GRIK4: variants seen among roughly 807,000 people sequenced by gnomAD.
GRIK4 encodes the protein glutamate ionotropic receptor kainate type subunit 4, also known as glutamate receptor ionotropic, kainate 4.
GRIK4 carries 40 observed loss-of-function variants against 104.9 expected under a neutral mutation model. That is an observed-to-expected ratio of 0.38 (90% CI 0.30 to 0.50). GRIK4 has a LOEUF of 0.50. Ranked by LOEUF, GRIK4 falls within the 20% of genes least tolerant of loss-of-function variation. The pLI is 0.93. For synonymous variants in GRIK4, 485 were observed against 524.9 expected, an observed-to-expected ratio of 0.92 and a Z score of 1.04; for missense variants, 1,047 against 1,308.1, an observed-to-expected ratio of 0.80 and a Z score of 3.08.
At chr11:120,683,155 A>T (rs1330353657) in intron 3 of GRIK4, among the ~76,000 whole-genome samples, 1 of 152,210 alleles carries the variant, frequency 6.6e-6, no homozygotes, top group Non-Finnish European at 1.5e-5. Context: ...GCATGAACCG[A>T]TAGATGAATG....
At chr11:120,716,354 C>T (rs1950833998) in intron 3 of GRIK4, among the ~76,000 whole-genome samples, 1 of 152,094 alleles carries the variant, frequency 6.6e-6, no homozygotes, top group African/African-American at 2.4e-5. Flanking sequence ...AGCAATCCTC[C>T]CCCCTCAGCC....
chr11:120,668,139 A>G (rs1481235168), intron 3 of GRIK4, among the ~76,000 whole-genome samples: 1 of 150,224 alleles, frequency 6.7e-6, no homozygotes, highest in Non-Finnish European at 1.5e-5. Flanking sequence ...AGATAGATAG[A>G]TAGATAGATA....
chr11:120,677,244 G>A (rs892886478), intron 3 of GRIK4, among the ~76,000 whole-genome samples: 7 of 152,168 alleles, frequency 4.6e-5, no homozygotes, highest in African/African-American at 1.7e-4. Flanking sequence ...AGTAGCCTGA[G>A]AGCTGAGTGT....
intron 18 of GRIK4, among the ~76,000 whole-genome samples, chr11:120,966,615 G>A (rs1005412797): frequency 1.6e-4 from 25 of 152,094 alleles, no homozygotes; most frequent in African/African-American, 4.8e-4. Flanking sequence ...CAAGTGATCC[G>A]CCCATCTCAG....
chr11:120,817,849 G>A (rs1591951841), intron 5 of GRIK4, among the ~76,000 whole-genome samples: 1 of 152,156 alleles, frequency 6.6e-6, no homozygotes, highest in Admixed American at 6.5e-5. Context: ...AGAGCTTTGC[G>A]GGAGCTCCTA....
At chr11:120,912,542 G>A (rs922447994) in intron 13 of GRIK4, among the ~76,000 whole-genome samples, 10 of 152,216 alleles carry the variant, frequency 6.6e-5, no homozygotes, top group Non-Finnish European at 1.5e-5. Flanking sequence ...TGAGCAATAC[G>A]GGGGTCACCG....
At chr11:120,744,313 C>T (rs1951397582) in intron 3 of GRIK4, among the ~76,000 whole-genome samples, 1 of 152,122 alleles carries the variant, frequency 6.6e-6, no homozygotes, top group South Asian at 2.1e-4. Flanking sequence ...CTTTTTTCCC[C>T]CCGGGCCTGG....
At chr11:120,890,996 G>A (rs1005650842) in intron 11 of GRIK4, among the ~76,000 whole-genome samples, 3 of 152,220 alleles carry the variant, frequency 2.0e-5, no homozygotes, top group Non-Finnish European at 4.4e-5. Flanking sequence ...ACCCACAGAT[G>A]CAGGCAAAGA....
intron 12 of GRIK4, among the ~76,000 whole-genome samples, chr11:120,904,943 C>A (rs1248079062): frequency 6.6e-6 from 1 of 152,130 alleles, no homozygotes; most frequent in Non-Finnish European, 1.5e-5. Context: ...TCTGATAATG[C>A]CCAGCCATTG....
intron 3 of GRIK4, among the ~76,000 whole-genome samples, chr11:120,799,627 T>G (rs1047886111): frequency 3.3e-5 from 5 of 152,176 alleles, no homozygotes; most frequent in African/African-American, 4.8e-5. Flanking sequence ...GACCTCCAAT[T>G]CCTCGTGTCC....
At chr11:120,961,177 C>G (rs1944280093) in intron 17 of GRIK4, 103 bp downstream of exon 17, 8 of 1,072,174 alleles carry the variant, frequency 7.5e-6, no homozygotes, top group African/African-American at 1.6e-5. Context: ...CTCATTATCT[C>G]TTTTGAACAT....
At chr11:120,725,277 G>C (rs1281236869) in intron 3 of GRIK4, among the ~76,000 whole-genome samples, 3 of 152,148 alleles carry the variant, frequency 2.0e-5, no homozygotes, top group African/African-American at 7.2e-5. Flanking sequence ...TAGGTTGGTG[G>C]CTGGTAATTT....
In GRIK4 at chr11:120,822,914, A is replaced by G. The variant is rs972776503; in HGVS notation, c.511+2994A>G. ...AGCCAAAAAAGAATGCTGATCTTAC[A>G]GCCTGAAGGATGTTCCCACTTCAAG... is the stretch of plus-strand genomic sequence containing the variant. On this transcript the variant is annotated intron_variant, in intron 6 of 20. Transcript: ENST00000527524. Among the ~76,000 whole-genome samples the G allele has an allele frequency of 2.6e-5, 4 of 152,230 alleles. No individual in the cohort carries two copies. The East Asian group carries it at 7.7e-4, about 29-fold the overall frequency.
intron 9 of GRIK4, among the ~76,000 whole-genome samples, chr11:120,864,156 C>G (rs966712931): frequency 2.0e-5 from 3 of 152,160 alleles, no homozygotes; most frequent in African/African-American, 4.8e-5. Context: ...AAGCCCTGTT[C>G]TCCCAGCTGC....
chr11:120,898,101 A>G (rs1942634993), intron 11 of GRIK4, among the ~76,000 whole-genome samples: 1 of 152,296 alleles, frequency 6.6e-6, no homozygotes, highest in Non-Finnish European at 1.5e-5. Context: ...TGTTTATCAA[A>G]GGGCATAGTT....
intron 8 of GRIK4, among the ~76,000 whole-genome samples, chr11:120,854,018 T>G (rs749428650): frequency 9.2e-5 from 14 of 152,210 alleles, no homozygotes; most frequent in Admixed American, 6.5e-5. Context: ...TTCTACCACA[T>G]GTGAAAATGA....
At chr11:120,645,042 A>C (rs1565587392) in intron 1 of GRIK4, among the ~76,000 whole-genome samples, 1 of 152,186 alleles carries the variant, frequency 6.6e-6, no homozygotes, top group Non-Finnish European at 1.5e-5. Flanking sequence ...AATGATGTAC[A>C]TGTGTATGTA....
At chr11:120,748,060 G>A (rs1053586094) in intron 3 of GRIK4, among the ~76,000 whole-genome samples, 7 of 152,126 alleles carry the variant, frequency 4.6e-5, no homozygotes, top group African/African-American at 9.7e-5. Context: ...TCTAAGAAGC[G>A]CCATTGGGGA....
At position 120,549,023 on chromosome 11, in the gene GRIK4, G is replaced by T. The variant is rs139395410; in HGVS notation, c.-159+37136G>T. The stretch of plus-strand genomic sequence containing the variant: ...GACACAGCACCTCGTGCATGACCAG[G>T]TTTCCCCTCTTCCTGGCTTTGTCAT... On this transcript the variant is annotated intron_variant, in intron 1 of 20. Coordinates refer to ENST00000527524, the MANE Select transcript of GRIK4 (RefSeq NM_014619.5). The surrounding 1 kb of genome is among the most constrained non-coding windows in gnomAD (Gnocchi z 4.7). 2.4e-4 allele frequency among the ~76,000 whole-genome samples: 36 copies of T among 152,264 alleles called. No homozygotes were observed. The highest frequency in any genetic ancestry group is 8.7e-4 in the African/African-American group (36 of 41,558).
Sources: allele counts gnomAD v4.1 joint callset (sites outside exome capture counted in the v4.1 genomes callset), GRCh38; gene constraint gnomAD v4.1.1; non-coding constraint Gnocchi (gnomAD v3.1); transcripts MANE v1.5; gene names NCBI Gene and HGNC (gene_info 2026-07-23, HGNC 2026-07-21).